Variants in CEP290 observed in about 807,000 individuals in gnomAD.
CEP290 encodes the protein centrosomal protein of 290 kDa.
A neutral mutation model predicts 344.9 loss-of-function variants in CEP290; 317 were observed. That is an observed-to-expected ratio of 0.92 (90% CI 0.84 to 1.01). The LOEUF (loss-of-function observed/expected upper bound fraction) is 1.01. Ranked by LOEUF, CEP290 falls within the 50% of genes least tolerant of loss-of-function variation. CEP290 has a pLI of 0.00. For missense variants in CEP290, 2,754 were observed against 2,761.4 expected, an observed-to-expected ratio of 1.00 and a Z score of 0.06; for synonymous variants, 932 against 895.8, an observed-to-expected ratio of 1.04 and a Z score of -0.72.
At chr12:88,129,650 ATATGAAGTCTGAATAAATAAGT>A in intron 10 of CEP290, 22 bp downstream of exon 10, 1 of 1,118,562 alleles carries the variant, frequency 8.9e-7, no homozygotes, top group Non-Finnish European at 1.3e-6. Context: ...TAATGAGATA[ATATGAAGTCTGAATAAATAAGT>A]TATTCTAAAA....
At position 88,050,956 on chromosome 12, in the gene CEP290, GTC is replaced by G. The variant is rs150266500; in HGVS notation, c.7130-525_7130-524del. Reference sequence around the variant, plus strand: ...CTGATACTTTGGTAGGAAAACAAAAGTCTCCAAATATAGCACAAAAGTTCTAA... The same window carrying G: ...CTGATACTTTGGTAGGAAAACAAAAGTCCAAATATAGCACAAAAGTTCTAA... On this transcript the variant is annotated intron_variant, in intron 52 of 53. Transcript: ENST00000552810. Among the ~76,000 whole-genome samples the G allele has an allele frequency of 3.2e-3, 492 of 152,182 alleles. 1 individual carries two copies. Among genetic ancestry groups the G allele is most frequent in the African/African-American group, 0.012 (478 of 41,532 alleles).
At chr12:88,118,846 T>A in intron 15 of CEP290, 103 bp from the exon 16 acceptor site, 1 of 679,820 alleles carries the variant, frequency 1.5e-6, no homozygotes, top group Non-Finnish European at 2.3e-6. Flanking sequence ...TTAGCCAGTA[T>A]CACTGAAGAA....
At chr12:88,107,234 C>T (rs1269878732) in intron 23 of CEP290, 136 bp from the exon 24 acceptor site, 3 of 499,838 alleles carry the variant, frequency 6.0e-6, no homozygotes, top group Non-Finnish European at 1.0e-5. Context: ...TCTGAAAACA[C>T]AAGAAGTTAA....
chr12:88,062,914 A>C (rs978403689), intron 45 of CEP290, 136 bp from the exon 46 acceptor site: 4 of 589,448 alleles, frequency 6.8e-6, no homozygotes, highest in African/African-American at 3.7e-5. Flanking sequence ...TATATTAACA[A>C]GGAAGATTTT....
At chr12:88,072,519 G>A (rs1012869693) in intron 41 of CEP290, among the ~76,000 whole-genome samples, 1 of 152,098 alleles carries the variant, frequency 6.6e-6, no homozygotes, top group African/African-American at 2.4e-5. Flanking sequence ...AAAATTCTGG[G>A]AGACAGTTCT....
chr12:88,137,430 G>C (rs74549898), intron 5 of CEP290, among the ~76,000 whole-genome samples: 3 of 152,096 alleles, frequency 2.0e-5, no homozygotes, highest in Admixed American at 6.6e-5. Context: ...ATTTGTAGCC[G>C]ATTAAATCCA....
intron 22 of CEP290, 59 bp downstream of exon 22, chr12:88,111,143 C>T: frequency 1.1e-6 from 1 of 944,230 alleles, no homozygotes; most frequent in Non-Finnish European, 1.5e-6. Context: ...AACATACTAC[C>T]AATGATTTTT....
rs773941502 is a variant in CEP290, at chr12:88,086,178, T to C, written c.4303-5A>G. On this transcript the variant is annotated splice_region_variant and splice_polypyrimidine_tract_variant and intron_variant, in intron 33 of 53. Transcript: ENST00000552810. Reference sequence around the variant, plus strand: ...TGATCCTGTAGCTTCTTCAAACTATTAAGAAATAGTATGTTTTTTAAAAAA... The same window carrying C: ...TGATCCTGTAGCTTCTTCAAACTATCAAGAAATAGTATGTTTTTTAAAAAA... 5 of 1,603,326 alleles carry C rather than the reference T, an allele frequency of 3.1e-6. No homozygotes were observed. The highest frequency in any genetic ancestry group is 4.2e-6 in the Non-Finnish European group (5 of 1,177,800).
rs1477583890 is a variant in CEP290 at position 88,129,759 on chromosome 12, T to C, written c.787A>G (p.Ile263Val). The C allele has an allele frequency of 1.6e-5, 24 of 1,489,690 alleles. No individual in the cohort carries two copies. Among genetic ancestry groups the C allele is most frequent in the Non-Finnish European group, 2.2e-5 (24 of 1,108,308 alleles). The allele number at this position is 1,489,690 out of a possible 1,614,324, so 92.3% of individuals were successfully genotyped here. Residue 263 changes from isoleucine to valine, a missense_variant, in exon 10 of 54, where the codon ATT (isoleucine) becomes GTT (valine). Coordinates refer to ENST00000552810, the MANE Select transcript of CEP290 (RefSeq NM_025114.4). Reference protein sequence around the residue: ...MTDEYNRMKAIVHQTDNVIDQ... With the variant: ...MTDEYNRMKAVVHQTDNVIDQ... ...ATTACATTATCTGTCTGATGCACAA[T>C]AGCTTTCATTCTATTATATTCATCA...
chr12:88,113,061 T>C (rs956730474), intron 20 of CEP290, among the ~76,000 whole-genome samples: 1 of 152,116 alleles, frequency 6.6e-6, no homozygotes, highest in Non-Finnish European at 1.5e-5. Flanking sequence ...TATTGCTAGG[T>C]GATTTGTGAA....
At chr12:88,135,379 T>C (rs1158581345) in intron 6 of CEP290, among the ~76,000 whole-genome samples, 2 of 152,158 alleles carry the variant, frequency 1.3e-5, no homozygotes, top group East Asian at 3.8e-4. Context: ...ATAAGTCAAC[T>C]GATACAGGTC....
chr12:88,125,350 C>A lies in CEP290; in HGVS notation c.1085G>T (p.Ser362Ile). ...ALQQGIQERD[S>I]QIKMLTEQVE... is the part of the protein sequence containing the mutation. Reference sequence around the variant, plus strand: ...TTGTTCGGTGAGCATCTTAATTTGACTGTCTCGTTCCTGTATACCCTATAA... The same window carrying A: ...TTGTTCGGTGAGCATCTTAATTTGAATGTCTCGTTCCTGTATACCCTATAA... Residue 362 changes from serine (S) to isoleucine (I), a missense_variant, in exon 13 of 54, where the codon AGT (serine) becomes ATT (isoleucine). Coordinates refer to ENST00000552810, the MANE Select transcript of CEP290 (RefSeq NM_025114.4). The A allele has an allele frequency of 7.6e-7, 1 of 1,315,686 alleles. No individual in the cohort carries two copies. The highest frequency in any genetic ancestry group is 1.0e-6 in the Non-Finnish European group (1 of 1,004,660). The allele number at this position is 1,315,686 out of a possible 1,614,324, so 81.5% of individuals were successfully genotyped here.
chr12:88,067,052 C>T (rs183083115), intron 44 of CEP290, among the ~76,000 whole-genome samples: 4 of 152,250 alleles, frequency 2.6e-5, no homozygotes, highest in Admixed American at 1.3e-4. Context: ...GGACACTGCA[C>T]AACACTGTAA....
rs756582234 is a variant in CEP290, at chr12:88,086,055, C to T, written c.4421G>A (p.Cys1474Tyr). Residue 1474 changes from cysteine (C) to tyrosine (Y), a missense_variant, in exon 34 of 54, where the codon TGC (cysteine) becomes TAC (tyrosine). Cys to Tyr is a radical substitution (Grantham distance 194). Transcript: ENST00000552810. ...TCTAATTACCTCTTCTAGTGATTTG[C>T]AAGTTGCCCGTGTTTCTAGAATTAT... ...IRIILETRATCKSLEEKLKEK... is the reference protein window; with the variant it reads ...IRIILETRATYKSLEEKLKEK... The T allele has an allele frequency of 6.2e-7, 1 of 1,610,718 alleles. No individual in the cohort carries two copies. Among genetic ancestry groups the T allele is most frequent in the East Asian group, 2.2e-5 (1 of 44,764 alleles).
rs781392049 is a variant in CEP290 at position 88,118,595 on chromosome 12, T to G, written c.1624-25A>C. On this transcript the variant is annotated intron_variant, in intron 16 of 53. Transcript: ENST00000552810. Reference sequence around the variant, plus strand: ...TCTGCAAAGTATAAATTATTAGTATTTCTCTATAGTTCAGCCAAGAAAATA... The same window carrying G: ...TCTGCAAAGTATAAATTATTAGTATGTCTCTATAGTTCAGCCAAGAAAATA... The G allele has an allele frequency of 2.5e-6, 4 of 1,609,618 alleles. No individual in the cohort carries two copies. The Admixed American group carries it at 6.7e-5, about 27-fold the overall frequency.
chr12:88,102,650 T>TA (rs1241088746), intron 26 of CEP290, among the ~76,000 whole-genome samples, 188 bp downstream of exon 26: 20 of 152,068 alleles, frequency 1.3e-4, no homozygotes, highest in African/African-American at 4.6e-4. Flanking sequence ...ATTGTGTGTG[T>TA]GTGTGTGTGT....
At chr12:88,139,440 G>A (rs995960280) in intron 4 of CEP290, 55 bp downstream of exon 4, 4 of 1,250,312 alleles carry the variant, frequency 3.2e-6, no homozygotes, top group Admixed American at 2.0e-5. Flanking sequence ...ACAGTTTAAT[G>A]AACAAATGGA....
intron 27 of CEP290, 119 bp downstream of exon 27, chr12:88,096,769 T>G (rs1383874723): frequency 1.4e-5 from 8 of 575,248 alleles, no homozygotes; most frequent in African/African-American, 3.9e-5. Context: ...AGGCAGAAAG[T>G]TCTTTCTTTT....
chr12:88,105,912 T>C (rs977922333), intron 25 of CEP290, among the ~76,000 whole-genome samples: 5 of 151,228 alleles, frequency 3.3e-5, no homozygotes, highest in African/African-American at 1.2e-4. Flanking sequence ...CCAAGCTAAT[T>C]AAAAACAAAC....
Sources: gnomAD v4.1 joint callset for allele counts (sites outside exome capture counted in the v4.1 genomes callset) on GRCh38, gnomAD v4.1.1 for gene constraint, MANE v1.5 for transcripts, NCBI Gene and HGNC (gene_info 2026-07-23, HGNC 2026-07-21) for gene names.